KIF5B: variants seen among roughly 807,000 people sequenced by gnomAD.
KIF5B encodes the protein kinesin family member 5B.
A neutral mutation model predicts 132.8 loss-of-function variants in KIF5B; 49 were observed. That is an observed-to-expected ratio of 0.37 (90% CI 0.29 to 0.47). The LOEUF (loss-of-function observed/expected upper bound fraction) is 0.47. Among genes scored for constraint, KIF5B ranks in the 20% least tolerant of loss-of-function variants. The pLI, the probability that KIF5B is intolerant of heterozygous loss-of-function variation, is 1.00. For missense variants in KIF5B, 780 were observed against 1,144.0 expected (o/e 0.68, Z 4.59); for synonymous variants, 355 against 369.4 (o/e 0.96, Z 0.45).
rs1305097877 is a variant in KIF5B, at chr10:32,018,567, CAGT to C, written c.2307-8_2307-6del. 6.2e-7 allele frequency: 1 copy of C among 1,605,308 alleles called. No homozygotes were observed. The highest frequency in any genetic ancestry group is 8.5e-7 in the Non-Finnish European group (1 of 1,175,330). On this transcript the variant is annotated splice_polypyrimidine_tract_variant and splice_region_variant and intron_variant, in intron 20 of 25. Coordinates refer to ENST00000302418, the MANE Select transcript of KIF5B (RefSeq NM_004521.3). ...TCTCGTCTATCTTGCATAACCCTAA[CAGT>C]AGAAGAACAAACATATATTTTCAAA... is the stretch of plus-strand genomic sequence containing the variant.
rs1326062506 is a variant in KIF5B, at chr10:32,035,618, G to GA, written c.865dup (p.Ser289PhefsTer7). On this transcript the variant is annotated frameshift_variant, in exon 10 of 26. Transcript: ENST00000302418. LOFTEE classifies it high-confidence loss of function. ...AGTGGTTCTACAGTTGCCACCTAAT[G>GA]AATCTTGAAGGATTCTTGTCATTTT... The GA allele has an allele frequency of 6.2e-7, 1 of 1,612,674 alleles. No homozygotes were observed. Among genetic ancestry groups the GA allele is most frequent in the Non-Finnish European group, 8.5e-7 (1 of 1,179,104 alleles).
chr10:32,055,731 G>C, intron 1 of KIF5B, 117 bp downstream of exon 1: 1 of 1,361,320 alleles, frequency 7.3e-7, no homozygotes, highest in Non-Finnish European at 9.9e-7. Context: ...AACCCCGCCG[G>C]GGAGGGCTGG....
intron 1 of KIF5B, among the ~76,000 whole-genome samples, chr10:32,052,755 A>G (rs1841709568): frequency 6.6e-6 from 1 of 152,228 alleles, no homozygotes; most frequent in Non-Finnish European, 1.5e-5. Context: ...TCGCTTAAAG[A>G]CTTTCATAAA....
intron 23 of KIF5B, 62 bp from the exon 24 acceptor site, chr10:32,017,421 G>C (rs1300807188): frequency 2.3e-6 from 3 of 1,286,736 alleles, no homozygotes; most frequent in Admixed American, 2.0e-5. Flanking sequence ...AAAAGTATGA[G>C]CATTTCATAA....
intron 20 of KIF5B, among the ~76,000 whole-genome samples, chr10:32,018,850 C>G (rs1337426359): frequency 6.6e-6 from 1 of 152,052 alleles, no homozygotes. Flanking sequence ...CAGGCATGTA[C>G]AATCAGCCCT....
intron 15 of KIF5B, among the ~76,000 whole-genome samples, chr10:32,024,615 A>C (rs1841310928): frequency 6.6e-6 from 1 of 151,478 alleles, no homozygotes; most frequent in African/African-American, 2.4e-5. Context: ...AATACAAAAA[A>C]TTAGCCAGGT....
At chr10:32,018,433 T>C (rs748733288) in intron 21 of KIF5B, 46 bp from the exon 22 acceptor site, 15 of 1,581,810 alleles carry the variant, frequency 9.5e-6, no homozygotes, top group South Asian at 4.6e-5. Context: ...ACTTTAAATT[T>C]AGAATAATCA....
At chr10:32,036,815 GAC>G (rs1451108359) in intron 8 of KIF5B, among the ~76,000 whole-genome samples, 1 of 152,122 alleles carries the variant, frequency 6.6e-6, no homozygotes, top group Admixed American at 6.5e-5. Context: ...ACTAGAATCA[GAC>G]TGTATAGAAT....
rs1233481536 is a variant in KIF5B, at chr10:32,034,715, T to G, written c.1086A>C (p.Glu362Asp). ...KILRNTIQWL[E>D]NELNRWRNGE... Reference sequence around the variant, plus strand: ...CATTACGCCATCTGTTGAGCTCATTTTCAAGCCACTGAATAGTGTTCCGCA... The same window carrying G: ...CATTACGCCATCTGTTGAGCTCATTGTCAAGCCACTGAATAGTGTTCCGCA... The change falls in exon 11 of 26, where the codon GAA becomes GAC. Residue 362 changes from glutamate (E) to aspartate (D), a missense_variant. Glu to Asp is a conservative substitution (Grantham distance 45, BLOSUM62 2). Coordinates refer to ENST00000302418, the MANE Select transcript of KIF5B (RefSeq NM_004521.3). The G allele has an allele frequency of 2.5e-6, 4 of 1,594,874 alleles. No individual in the cohort carries two copies. The African/African-American group carries it at 5.4e-5, about 22-fold the overall frequency.
chr10:32,034,929 C>T (rs1841445637), intron 10 of KIF5B, 91 bp from the exon 11 acceptor site: 1 of 935,066 alleles, frequency 1.1e-6, no homozygotes, highest in South Asian at 3.4e-5. Context: ...GGCTAAGAAA[C>T]TTATGCTTGT....
intron 24 of KIF5B, among the ~76,000 whole-genome samples, chr10:32,016,190 C>A (rs929341186): frequency 5.9e-5 from 9 of 152,090 alleles, no homozygotes; most frequent in African/African-American, 2.2e-4. Context: ...TGGGCAGTGG[C>A]TCATGCCTGT....
In KIF5B at chr10:32,010,819, C is replaced by T. The variant is rs558765305; in HGVS notation, c.*718G>A. ...CTGCTTTTGATACTTTAAAATATTT[C>T]TATTCAAAATAACTCGGCAACAGGC... is the stretch of plus-strand genomic sequence containing the variant. On this transcript the variant is annotated 3_prime_UTR_variant, in exon 26 of 26. Coordinates refer to ENST00000302418, the MANE Select transcript of KIF5B (RefSeq NM_004521.3). 1 of 152,216 alleles carries T rather than the reference C, an allele frequency of 6.6e-6. No individual in the cohort carries two copies. The highest frequency in any genetic ancestry group is 6.5e-5 in the Admixed American group (1 of 15,294). 9.4% of individuals were successfully genotyped at this position (152,216 alleles called of 1,614,324 possible).
chr10:32,034,882 A>G lies in KIF5B; in HGVS notation c.963-44T>C, dbSNP rs749285580. The G allele has an allele frequency of 2.1e-6, 3 of 1,455,716 alleles. No individual in the cohort carries two copies. In the South Asian group the frequency reaches 4.2e-5, roughly 20 times the overall value. 90.2% of individuals were successfully genotyped at this position (1,455,716 alleles called of 1,614,324 possible). A position where few individuals can be genotyped will look rare whatever the true frequency, so the allele number is the denominator to read the frequency against. ...GGAAAAAAAGGATGAGACTGAAATT[A>G]TTTTTAATTTTATCTATATGGAATA... On this transcript the variant is annotated intron_variant, in intron 10 of 25. Coordinates refer to ENST00000302418, the MANE Select transcript of KIF5B (RefSeq NM_004521.3).
chr10:32,048,683 G>GA (rs1427861214), intron 1 of KIF5B, 132 bp from the exon 2 acceptor site: 17 of 582,826 alleles, frequency 2.9e-5, no homozygotes, highest in Middle Eastern at 6.1e-4. Context: ...TGGTATCATT[G>GA]AATCTTTGAA....
rs527948738 is a variant in KIF5B, at chr10:32,017,029, T to C, written c.2761+114A>G. On this transcript the variant is annotated intron_variant, in intron 24 of 25. Transcript: ENST00000302418. ...TCCCAACAGTGCCACTCTGCTAAGT[T>C]AGAAAATAGAGACAGATGCACCATG... 5 of 853,166 alleles carry C rather than the reference T, an allele frequency of 5.9e-6. No individual in the cohort carries two copies. In the African/African-American group the frequency reaches 8.4e-5, roughly 14 times the overall value. 52.8% of individuals were successfully genotyped at this position (853,166 alleles called of 1,614,324 possible).
Position 32,015,691 on chromosome 10 carries a change from T to C in KIF5B, c.2762-32A>G, listed in dbSNP as rs201609384. On this transcript the variant is annotated intron_variant, in intron 24 of 25. Transcript: ENST00000302418. ...TGAAAAATAAAGACAGACTTTAGAA[T>C]AAAGTTTAAGATGTGACTGCAATGA... 58 of 1,581,328 alleles carry C rather than the reference T, an allele frequency of 3.7e-5. No homozygotes were observed. In the East Asian group the frequency reaches 1.3e-3, roughly 35 times the overall value.
At position 32,011,129 on chromosome 10, in the gene KIF5B, CAAG is replaced by C. The variant is rs1841073955; in HGVS notation, c.*405_*407del. 2 of 151,786 alleles carry C rather than the reference CAAG, an allele frequency of 1.3e-5. No homozygotes were observed. Among genetic ancestry groups the C allele is most frequent in the African/African-American group, 4.8e-5 (2 of 41,290 alleles). 9.4% of individuals were successfully genotyped at this position (151,786 alleles called of 1,614,324 possible). ...AGACGTTTTAATAGGAAAAGAAAAA[CAAG>C]AAGCAGTAGCAGCTAGGTAATTTAA... On this transcript the variant is annotated 3_prime_UTR_variant, in exon 26 of 26. Transcript: ENST00000302418.
intron 2 of KIF5B, among the ~76,000 whole-genome samples, chr10:32,047,145 G>C (rs192829730): frequency 5.8e-4 from 89 of 152,170 alleles, no homozygotes; most frequent in African/African-American, 2.1e-3. Context: ...CCATCGTAAA[G>C]TCGAACAATT....
intron 19 of KIF5B, among the ~76,000 whole-genome samples, chr10:32,020,764 G>A (rs1841248310): frequency 6.6e-6 from 1 of 151,978 alleles, no homozygotes; most frequent in African/African-American, 2.4e-5. Flanking sequence ...AAAGGATTTG[G>A]AGAAGACTGT....
Sources: allele counts gnomAD v4.1 joint callset (sites outside exome capture counted in the v4.1 genomes callset), GRCh38; gene constraint gnomAD v4.1.1; transcripts MANE v1.5; gene names NCBI Gene and HGNC (gene_info 2026-07-23, HGNC 2026-07-21).